NEGR1: variants seen among roughly 807,000 people sequenced by gnomAD.
NEGR1 encodes the protein IgLON family member 4.
NEGR1 carries 10 observed loss-of-function variants against 40.9 expected under a neutral mutation model. The ratio of observed to expected loss-of-function variants is 0.24; its 90% CI spans 0.15 to 0.42. The LOEUF is 0.42. NEGR1 is among the 10% of genes least tolerant of loss of function. The probability of loss-of-function intolerance (pLI) is 1.00; values close to 1 mark genes in which losing one functional copy is unlikely to be tolerated. For synonymous variants in NEGR1, 185 were observed against 166.8 expected (o/e 1.11, Z -0.84); for missense variants, 352 against 438.9 (o/e 0.80, Z 1.77).
At chr1:71,770,656 G>A (rs552934732) in intron 3 of NEGR1, among the ~76,000 whole-genome samples, 5 of 152,260 alleles carry the variant, frequency 3.3e-5, no homozygotes, top group East Asian at 1.9e-4. Context: ...ACAGGAGACC[G>A]ATTTGGTGTG....
intron 1 of NEGR1, among the ~76,000 whole-genome samples, chr1:72,148,310 C>G (rs1190560594): frequency 1.3e-5 from 2 of 152,126 alleles, no homozygotes; most frequent in Non-Finnish European, 2.9e-5. Flanking sequence ...GCTGCGAAGG[C>G]TTGTGGCTTC....
intron 4 of NEGR1, among the ~76,000 whole-genome samples, chr1:71,662,187 C>G (rs1458256523): frequency 6.6e-6 from 1 of 152,180 alleles, no homozygotes; most frequent in Non-Finnish European, 1.5e-5. Flanking sequence ...TTTGATCACT[C>G]TAAGCCTCAG....
intron 3 of NEGR1, among the ~76,000 whole-genome samples, chr1:71,771,362 G>A (rs1190211033): frequency 6.6e-6 from 1 of 151,970 alleles, no homozygotes; most frequent in East Asian, 1.9e-4. Flanking sequence ...ATGGGTTGAT[G>A]GGTGCAGCAA....
chr1:72,274,715 GA>G (rs1427624311), intron 1 of NEGR1: 2 of 1,021,378 alleles, frequency 2.0e-6, no homozygotes, highest in Non-Finnish European at 3.1e-6. Context: ...GTGCAGAATG[GA>G]AAAGTAATTG....
chr1:71,644,850 C>T (rs1035526332), intron 4 of NEGR1, among the ~76,000 whole-genome samples: 2 of 151,852 alleles, frequency 1.3e-5, no homozygotes, highest in East Asian at 1.9e-4. Context: ...TATCCAGGGG[C>T]TTATTTCAAT....
chr1:72,041,932 A>C (rs1281447437), intron 1 of NEGR1, among the ~76,000 whole-genome samples: 1 of 144,556 alleles, frequency 6.9e-6, no homozygotes, highest in Non-Finnish European at 1.5e-5. Flanking sequence ...TTTATATATA[A>C]TATATATTTG....
chr1:71,757,645 C>A (rs977615195), intron 3 of NEGR1, among the ~76,000 whole-genome samples: 4 of 151,990 alleles, frequency 2.6e-5, no homozygotes, highest in Non-Finnish European at 5.9e-5. Context: ...TAATATATTC[C>A]ATTTCTTGTC....
chr1:71,479,148 T>C (rs867361760), intron 6 of NEGR1, among the ~76,000 whole-genome samples: 6 of 151,986 alleles, frequency 3.9e-5, no homozygotes, highest in Non-Finnish European at 1.5e-5. Flanking sequence ...ATTACAGAAA[T>C]AGCATAAAGA....
intron 6 of NEGR1, among the ~76,000 whole-genome samples, chr1:71,462,560 C>T (rs749486192): frequency 4.6e-5 from 7 of 152,048 alleles, no homozygotes; most frequent in Non-Finnish European, 7.4e-5. Context: ...AATGATTTTA[C>T]CTTGGGAGTG....
At chr1:71,958,699 T>A (rs1646138103) in intron 1 of NEGR1, among the ~76,000 whole-genome samples, 1 of 152,238 alleles carries the variant, frequency 6.6e-6, no homozygotes, top group African/African-American at 2.4e-5. Context: ...CTCACACCTG[T>A]AATCCCAGCA....
At chr1:72,153,701 G>A (rs1319283291) in intron 1 of NEGR1, among the ~76,000 whole-genome samples, 1 of 151,856 alleles carries the variant, frequency 6.6e-6, no homozygotes, top group Non-Finnish European at 1.5e-5. Context: ...CTCATTTAGA[G>A]TGAGAAGAAA....
intron 1 of NEGR1, among the ~76,000 whole-genome samples, chr1:72,017,236 A>G (rs957968564): frequency 6.6e-6 from 1 of 152,132 alleles, no homozygotes; most frequent in African/African-American, 2.4e-5. Flanking sequence ...TCAGTTGACA[A>G]AAAACAAGAT....
chr1:71,629,762 G>A (rs1650912888), intron 4 of NEGR1, among the ~76,000 whole-genome samples: 1 of 151,950 alleles, frequency 6.6e-6, no homozygotes, highest in Non-Finnish European at 1.5e-5. Flanking sequence ...ATTTGACAAT[G>A]TCTCAGGATA....
At chr1:71,839,952 C>T (rs1659178185) in intron 2 of NEGR1, among the ~76,000 whole-genome samples, 1 of 152,118 alleles carries the variant, frequency 6.6e-6, no homozygotes, top group South Asian at 2.1e-4. Flanking sequence ...GCGATTTCTT[C>T]TTACTAGTAT....
chr1:72,149,010 C>G (rs953154393), intron 1 of NEGR1, among the ~76,000 whole-genome samples: 7 of 152,264 alleles, frequency 4.6e-5, no homozygotes, highest in Middle Eastern at 3.4e-3. Flanking sequence ...CCCCCTGCAA[C>G]TTTACTGGTA....
chr1:71,763,417 G>A (rs1303329256), intron 3 of NEGR1, among the ~76,000 whole-genome samples: 1 of 152,162 alleles, frequency 6.6e-6, no homozygotes. Context: ...ACTGGGTGAA[G>A]AGTACATGAA....
At chr1:71,760,288 A>C (rs1177362407) in intron 3 of NEGR1, among the ~76,000 whole-genome samples, 1 of 152,184 alleles carries the variant, frequency 6.6e-6, no homozygotes, top group Non-Finnish European at 1.5e-5. Flanking sequence ...TTGTTCTGGC[A>C]TTATATGTGT....
intron 1 of NEGR1, among the ~76,000 whole-genome samples, chr1:72,251,006 C>T (rs1449010419): frequency 6.6e-6 from 1 of 152,188 alleles, no homozygotes; most frequent in African/African-American, 2.4e-5. Flanking sequence ...TTTATGAACT[C>T]ATGAATTCTT....
At chr1:71,571,222 T>C (rs1425863342) in intron 6 of NEGR1, among the ~76,000 whole-genome samples, 1 of 152,200 alleles carries the variant, frequency 6.6e-6, no homozygotes, top group Non-Finnish European at 1.5e-5. Context: ...TCTAAAGTTT[T>C]CTGAAAGTAA....
Sources: gnomAD v4.1 joint callset for allele counts (sites outside exome capture counted in the v4.1 genomes callset) on GRCh38, gnomAD v4.1.1 for gene constraint, MANE v1.5 for transcripts, NCBI Gene and HGNC (gene_info 2026-07-23, HGNC 2026-07-21) for gene names.